Variants in ZNF414 observed in about 807,000 individuals in gnomAD.
The protein encoded by ZNF414 is zinc finger protein 414.
In ZNF414, 32 loss-of-function variants were observed where a neutral mutation model predicts 38.3. The ratio of observed to expected loss-of-function variants is 0.83; its 90% confidence interval spans 0.63 to 1.12. The LOEUF is 1.12. Among genes scored for constraint, ZNF414 ranks in the 50% most tolerant of loss-of-function variants. The probability of loss-of-function intolerance (pLI) is 0.00; values close to 1 mark genes in which losing one functional copy is unlikely to be tolerated. For synonymous variants in ZNF414, 256 were observed against 248.0 expected (o/e 1.03, Z -0.30); for missense variants, 589 against 557.4 (o/e 1.06, Z -0.57).
chr19:8,514,126 G>C lies in ZNF414; in HGVS notation c.-80C>G. On this transcript the variant is annotated 5_prime_UTR_variant, in exon 1 of 8. Transcript: ENST00000393927. The stretch of plus-strand genomic sequence containing the variant: ...GGCGGCCACCCTCTGGGCAGTGCGA[G>C]TTCGCGCTCACGTCAGCGCCATTTT... 1.4e-6 allele frequency: 2 copies of C among 1,393,594 alleles called. No individual in the cohort carries two copies. Among genetic ancestry groups the C allele is most frequent in the Middle Eastern group, 1.9e-4 (1 of 5,248 alleles). 86.3% of individuals were successfully genotyped at this position (1,393,594 alleles called of 1,614,324 possible).
At chr19:8,513,797 G>A (rs781055624) in intron 1 of ZNF414, among the ~76,000 whole-genome samples, 23 of 152,212 alleles carry the variant, frequency 1.5e-4, no homozygotes, top group Non-Finnish European at 2.9e-4. Flanking sequence ...CCGGCCTCGA[G>A]CAGTGTGGAC....
chr19:8,510,945 G>T lies in ZNF414; in HGVS notation c.1005C>A (p.Ala335=). Reference sequence around the variant, plus strand: ...GGTGCAGGGTCATGGCGGGCCGCGAGGCCGTGGAGAAGGCGCACTGCATGC... The same window carrying T: ...GGTGCAGGGTCATGGCGGGCCGCGATGCCGTGGAGAAGGCGCACTGCATGC... ...YSCMQCAFST[A]SRPAMTLHLE... The change falls in exon 7 of 8, where the codon GCC becomes GCA. Residue 335 remains alanine (A), a synonymous_variant. Transcript: ENST00000393927. 8.0e-7 allele frequency: 1 copy of T among 1,243,508 alleles called. No individual in the cohort carries two copies. The highest frequency in any genetic ancestry group is 1.0e-6 in the Non-Finnish European group (1 of 992,306). The allele number at this position is 1,243,508 out of a possible 1,614,324, so 77.0% of individuals were successfully genotyped here.
In ZNF414 at chr19:8,511,865, G is replaced by A. The variant is rs751755979; in HGVS notation, c.626C>T (p.Pro209Leu). ...CGGCTCTCGGTCCAGGGCCGGGGGT[G>A]GCGGCGGGGCTGGGCTCTGCGCATG... ...AEHAQSPAPP[P>L]PPALDREPPA... The change falls in exon 5 of 8, where the codon CCA (proline) becomes CTA (leucine). Residue 209 changes from proline (P) to leucine (L), a missense_variant. Coordinates refer to ENST00000393927, the MANE Select transcript of ZNF414 (RefSeq NM_001146175.2). 2.1e-6 allele frequency: 3 copies of A among 1,403,242 alleles called. No individual in the cohort carries two copies. The East Asian group carries it at 8.2e-5, about 38-fold the overall frequency. 86.9% of individuals were successfully genotyped at this position (1,403,242 alleles called of 1,614,324 possible).
At position 8,509,946 on chromosome 19, in the gene ZNF414, A is replaced by G. The variant is rs921566025; in HGVS notation, c.*745T>C. 2.0e-5 allele frequency: 3 copies of G among 151,786 alleles called. No individual in the cohort carries two copies. Among genetic ancestry groups the G allele is most frequent in the African/African-American group, 7.2e-5 (3 of 41,428 alleles). 9.4% of individuals were successfully genotyped at this position (151,786 alleles called of 1,614,324 possible). ...GTGCTCCACCTGCCCCAGCCTCCCA[A>G]AGTGCTGGGATTACAGGCGTGAGCC... On this transcript the variant is annotated 3_prime_UTR_variant, in exon 8 of 8. Coordinates refer to ENST00000393927, the MANE Select transcript of ZNF414 (RefSeq NM_001146175.2).
rs1255087179 is a variant in ZNF414 at position 8,512,071 on chromosome 19, TCAC to T, written c.531-114_531-112del. On this transcript the variant is annotated intron_variant, in intron 4 of 7. Transcript: ENST00000393927. ...CGTGGGAACGGAGCCTGGGCACTAA[TCAC>T]CTCCCCGCTCCTGTACAACTGTGGC... 3 of 1,400,622 alleles carry T rather than the reference TCAC, an allele frequency of 2.1e-6. No homozygotes were observed. In the African/African-American group the frequency reaches 4.4e-5, roughly 20 times the overall value. 86.8% of individuals were successfully genotyped at this position (1,400,622 alleles called of 1,614,324 possible).
chr19:8,512,510 C>A lies in ZNF414; in HGVS notation c.425-18G>T, dbSNP rs752328882. On this transcript the variant is annotated intron_variant, in intron 3 of 7. Coordinates refer to ENST00000393927, the MANE Select transcript of ZNF414 (RefSeq NM_001146175.2). ...GAGCTTGCCTGGTAGGGATGAAGGACAGAGAAGTGGAGACAGGTGGCCAAG... is the reference window on the plus strand; with the variant it reads ...GAGCTTGCCTGGTAGGGATGAAGGAAAGAGAAGTGGAGACAGGTGGCCAAG... 5.6e-6 allele frequency: 9 copies of A among 1,613,810 alleles called. No individual in the cohort carries two copies. The African/African-American group carries it at 9.3e-5, about 17-fold the overall frequency.
intron 4 of ZNF414, 168 bp downstream of exon 4, chr19:8,512,219 C>G: frequency 7.0e-7 from 1 of 1,427,094 alleles, no homozygotes; most frequent in Non-Finnish European, 9.2e-7. Flanking sequence ...TGGGGCCACG[C>G]CCACGTATGC....
In ZNF414 at chr19:8,512,726, GAACAGT is replaced by G; in HGVS notation, c.317-21_317-16del. ...GATTTGCTTCCCTGCAGGACGCACA[GAACAGT>G]GGTCACTGGTCCCTTCCTCACTAGT... On this transcript the variant is annotated splice_polypyrimidine_tract_variant and intron_variant, in intron 2 of 7. Transcript: ENST00000393927. 2.0e-6 allele frequency: 3 copies of G among 1,493,104 alleles called. No homozygotes were observed. The highest frequency in any genetic ancestry group is 2.7e-6 in the Non-Finnish European group (3 of 1,119,460). The allele number at this position is 1,493,104 out of a possible 1,614,324, so 92.5% of individuals were successfully genotyped here.
chr19:8,514,095 T>A lies in ZNF414; in HGVS notation c.-49A>T. The A allele has an allele frequency of 6.9e-7, 1 of 1,459,400 alleles. No individual in the cohort carries two copies. The highest frequency in any genetic ancestry group is 9.0e-7 in the Non-Finnish European group (1 of 1,106,926). 90.4% of individuals were successfully genotyped at this position (1,459,400 alleles called of 1,614,324 possible). On this transcript the variant is annotated 5_prime_UTR_variant, in exon 1 of 8. The change creates a new upstream start codon in the 5' untranslated region. Transcript: ENST00000393927. Reference sequence around the variant, plus strand: ...TTTCTGCGGCTCCGGCGGCTGCAGCTTAGGCGGCGGCCACCCTCTGGGCAG... The same window carrying A: ...TTTCTGCGGCTCCGGCGGCTGCAGCATAGGCGGCGGCCACCCTCTGGGCAG...
chr19:8,510,990 G>T lies in ZNF414; in HGVS notation c.960C>A (p.His320Gln). Residue 320 changes from histidine to glutamine, a missense_variant, in exon 7 of 8, where the codon CAC (histidine) becomes CAA (glutamine). By Grantham distance (24) the His-to-Gln change is conservative (BLOSUM62 0). Transcript: ENST00000393927. Reference protein sequence around the residue: ...HAAPSRIVWEHTRGRYSCMQC... With the variant: ...HAAPSRIVWEQTRGRYSCMQC... ...GCATGCACGAGTAGCGGCCGCGTGT[G>T]TGCTCCCACACGATGCGGCTCGGGG... 7.9e-7 allele frequency: 1 copy of T among 1,272,398 alleles called. No individual in the cohort carries two copies. Among genetic ancestry groups the T allele is most frequent in the South Asian group, 2.7e-5 (1 of 36,364 alleles). The allele number at this position is 1,272,398 out of a possible 1,614,324, so 78.8% of individuals were successfully genotyped here. A position where few individuals can be genotyped will look rare whatever the true frequency, so the allele number is the denominator to read the frequency against.
chr19:8,513,316 G>A lies in ZNF414; in HGVS notation c.29C>T (p.Pro10Leu). The change falls in exon 2 of 8, where the codon CCA (proline) becomes CTA (leucine). Residue 10 changes from proline to leucine, a missense_variant. Transcript: ENST00000393927. MEEKPSGPI[P>L]DMLATAEPSS... ...GGGCTCTGCAGTGGCCAGCATGTCT[G>A]GGATGGGCCCTGAGGGTTTCTCCTC... 1.3e-6 allele frequency: 2 copies of A among 1,594,816 alleles called. No homozygotes were observed. The highest frequency in any genetic ancestry group is 2.2e-5 in the South Asian group (2 of 89,986).
At position 8,511,827 on chromosome 19, in the gene ZNF414, G is replaced by T. The variant is rs1971920380; in HGVS notation, c.664C>A (p.Arg222Ser). Residue 222 changes from arginine (R) to serine (S), a missense_variant, in exon 5 of 8, where the codon CGC becomes AGC. By Grantham distance (110) the Arg-to-Ser change is moderately radical. Coordinates refer to ENST00000393927, the MANE Select transcript of ZNF414 (RefSeq NM_001146175.2). ...GATGCGGGGTCAACCTCCGGGGGGC[G>T]CTCCGGCGCGGGCGGCTCTCGGTCC... ...ALDREPPAPERPPEVDPASAP... is the reference protein window; with the variant it reads ...ALDREPPAPESPPEVDPASAP... 1 of 1,397,272 alleles carries T rather than the reference G, an allele frequency of 7.2e-7. No individual in the cohort carries two copies. The highest frequency in any genetic ancestry group is 9.2e-7 in the Non-Finnish European group (1 of 1,083,710). 86.6% of individuals were successfully genotyped at this position (1,397,272 alleles called of 1,614,324 possible). A position where few individuals can be genotyped will look rare whatever the true frequency, so the allele number is the denominator to read the frequency against.
chr19:8,514,020 C>T, intron 1 of ZNF414, 24 bp downstream of exon 1: 1 of 1,453,304 alleles, frequency 6.9e-7, no homozygotes, highest in South Asian at 1.3e-5. Context: ...TCCGCCGCGC[C>T]CGCGACCCCG....
intron 6 of ZNF414, 179 bp downstream of exon 6, chr19:8,511,307 G>T: frequency 1.4e-6 from 2 of 1,435,444 alleles, no homozygotes; most frequent in Non-Finnish European, 1.8e-6. Context: ...GGGAACGCCG[G>T]CGCAGATGAA....
intron 4 of ZNF414, 78 bp from the exon 5 acceptor site, chr19:8,512,038 C>A: frequency 7.2e-7 from 1 of 1,392,632 alleles, no homozygotes; most frequent in Non-Finnish European, 9.3e-7. Flanking sequence ...TGCCACCCGC[C>A]CTTCGAGCGT....
chr19:8,511,078 G>T, intron 6 of ZNF414, 54 bp from the exon 7 acceptor site: 1 of 1,284,606 alleles, frequency 7.8e-7, no homozygotes, highest in Non-Finnish European at 9.8e-7. Context: ...CAGAAGACCC[G>T]TGCGCCAAGG....
Position 8,510,267 on chromosome 19 carries a change from G to A in ZNF414, c.*424C>T, listed in dbSNP as rs1282251857. ...ATTGTGCCACTGCACTCCGGCCTGG[G>A]AGACAGAGCAAGACTGTCTCAAAAA... On this transcript the variant is annotated 3_prime_UTR_variant, in exon 8 of 8. Coordinates refer to ENST00000393927, the MANE Select transcript of ZNF414 (RefSeq NM_001146175.2). 1 of 145,478 alleles carries A rather than the reference G, an allele frequency of 6.9e-6. No individual in the cohort carries two copies. Among genetic ancestry groups the A allele is most frequent in the African/African-American group, 2.6e-5 (1 of 38,692 alleles). The allele number at this position is 145,478 out of a possible 1,614,324, so 9.0% of individuals were successfully genotyped here.
rs574501948 is a variant in ZNF414, at chr19:8,514,156, C to A, written c.-110G>T. 5.3e-6 allele frequency: 7 copies of A among 1,309,442 alleles called. No homozygotes were observed. Among genetic ancestry groups the A allele is most frequent in the Middle Eastern group, 2.2e-4 (1 of 4,642 alleles). 81.1% of individuals were successfully genotyped at this position (1,309,442 alleles called of 1,614,324 possible). On this transcript the variant is annotated 5_prime_UTR_variant, in exon 1 of 8. The change creates a new upstream start codon in the 5' untranslated region. Coordinates refer to ENST00000393927, the MANE Select transcript of ZNF414 (RefSeq NM_001146175.2). ...CGCTCACGTCAGCGCCATTTTCCAC[C>A]TCTCAGCTCTCGCGAGACTGGGGGC... is the stretch of plus-strand genomic sequence containing the variant.
Position 8,513,174 on chromosome 19 carries a change from T to A in ZNF414, c.171A>T (p.Glu57Asp), listed in dbSNP as rs1457942886. The A allele has an allele frequency of 2.6e-6, 4 of 1,558,114 alleles. No individual in the cohort carries two copies. In the African/African-American group the frequency reaches 5.4e-5, roughly 21 times the overall value. Residue 57 changes from glutamate to aspartate, a missense_variant, in exon 2 of 8, where the codon GAA becomes GAT. Coordinates refer to ENST00000393927, the MANE Select transcript of ZNF414 (RefSeq NM_001146175.2). The stretch of plus-strand genomic sequence containing the variant: ...GCTGCATCCCTCCAGCCCCTCCACG[T>A]TCCCACACTGGCGGTGTGGCTGCCT... Reference protein sequence around the residue: ...PEQAATPPVWERGGAGGMQQG... With the variant: ...PEQAATPPVWDRGGAGGMQQG...
Sources: allele counts gnomAD v4.1 joint callset (sites outside exome capture counted in the v4.1 genomes callset), GRCh38; gene constraint gnomAD v4.1.1; transcripts MANE v1.5; gene names NCBI Gene and HGNC (gene_info 2026-07-23, HGNC 2026-07-21).